The following DLG2 variants were observed in gnomAD, a reference collection of about 807,000 sequenced individuals.
The protein encoded by DLG2 is disks large homolog 2.
Under a neutral mutation model 132.5 loss-of-function variants are expected in DLG2, and 45 were observed. The ratio of observed to expected loss-of-function variants is 0.34; its 90% CI spans 0.27 to 0.44. The LOEUF (loss-of-function observed/expected upper bound fraction) is 0.44, where lower values mean the gene tolerates loss of function less well. Ranked by LOEUF, DLG2 falls within the 20% of genes least tolerant of loss-of-function variation. DLG2 has a pLI of 1.00. For missense variants in DLG2, 1,045 were observed against 1,196.9 expected, an observed-to-expected ratio of 0.87 and a Z score of 1.87; for synonymous variants, 424 against 419.6, an observed-to-expected ratio of 1.01 and a Z score of -0.13.
chr11:83,582,153 T>C (rs971906482), intron 19 of DLG2, among the ~76,000 whole-genome samples: 4 of 151,738 alleles, frequency 2.6e-5, no homozygotes, highest in South Asian at 4.2e-4. Flanking sequence ...GCGGGGTTTC[T>C]CCATGTTGGC....
chr11:83,496,291 G>C (rs554618345), intron 21 of DLG2, among the ~76,000 whole-genome samples: 8 of 151,748 alleles, frequency 5.3e-5, no homozygotes, highest in Non-Finnish European at 1.0e-4. Flanking sequence ...CACCAGAGTA[G>C]CTAAAATTAA....
intron 6 of DLG2, among the ~76,000 whole-genome samples, chr11:84,909,116 G>C (rs2091833458): frequency 6.6e-6 from 1 of 152,014 alleles, no homozygotes; most frequent in Non-Finnish European, 1.5e-5. Flanking sequence ...TTGAAACCCT[G>C]CATCGATGCA....
At chr11:84,826,846 C>G (rs1234518884) in intron 6 of DLG2, among the ~76,000 whole-genome samples, 2 of 151,896 alleles carry the variant, frequency 1.3e-5, no homozygotes, top group East Asian at 3.9e-4. Flanking sequence ...AACAGGAAAT[C>G]TTATTTATTT....
At chr11:83,835,821 A>C (rs1296721442) in intron 16 of DLG2, among the ~76,000 whole-genome samples, 2 of 152,190 alleles carry the variant, frequency 1.3e-5, no homozygotes, top group Non-Finnish European at 2.9e-5. Flanking sequence ...AAATGTATTT[A>C]GGTTCCTGGC....
chr11:85,109,515 G>A (rs189023750), intron 6 of DLG2, among the ~76,000 whole-genome samples: 1 of 152,134 alleles, frequency 6.6e-6, no homozygotes, highest in Admixed American at 6.5e-5. Context: ...TCAACTCCAA[G>A]GGAATAATGA....
Position 85,398,870 on chromosome 11 carries a change from C to T in DLG2, c.41-113505G>A, listed in dbSNP as rs532003695. ...GTACAAAGAGGAGCTGCTACCATTG[C>T]TTCTGAAACTATTTCAATCAATAGA... On this transcript the variant is annotated intron_variant, in intron 3 of 27. Transcript: ENST00000376104. 1.3e-3 allele frequency among the ~76,000 whole-genome samples: 199 copies of T among 152,272 alleles called. 1 individual carries two copies. The highest frequency in any genetic ancestry group is 4.4e-3 in the African/African-American group (181 of 41,564).
intron 6 of DLG2, among the ~76,000 whole-genome samples, chr11:85,011,255 T>C (rs757543199): frequency 6.6e-6 from 1 of 152,128 alleles, no homozygotes; most frequent in Non-Finnish European, 1.5e-5. Flanking sequence ...ATTGTGACTA[T>C]TTAGTGCTTT....
chr11:84,223,248 G>A (rs1368977157), intron 8 of DLG2, among the ~76,000 whole-genome samples: 1 of 152,184 alleles, frequency 6.6e-6, no homozygotes, highest in Non-Finnish European at 1.5e-5. Flanking sequence ...GTCAGACCAA[G>A]TAGCATCATG....
chr11:85,036,058 A>T (rs2061411005), intron 6 of DLG2, among the ~76,000 whole-genome samples: 1 of 152,210 alleles, frequency 6.6e-6, no homozygotes, highest in Non-Finnish European at 1.5e-5. Context: ...GTATACCTGA[A>T]GCAAATTACT....
chr11:84,688,645 G>T (rs1279792847), intron 6 of DLG2, among the ~76,000 whole-genome samples: 1 of 152,174 alleles, frequency 6.6e-6, no homozygotes. Flanking sequence ...GTGTCAAGGT[G>T]TATACTATAC....
intron 3 of DLG2, among the ~76,000 whole-genome samples, chr11:85,346,125 G>A (rs1393837783): frequency 2.0e-5 from 3 of 151,956 alleles, no homozygotes; most frequent in African/African-American, 4.8e-5. Flanking sequence ...CCTTAGGTAC[G>A]ATGCTTGTAT....
chr11:85,283,686 C>T (rs576976486), intron 4 of DLG2, among the ~76,000 whole-genome samples: 5 of 151,868 alleles, frequency 3.3e-5, no homozygotes, highest in Admixed American at 1.3e-4. Flanking sequence ...TTAAGTAAAA[C>T]ATCTTATCTA....
intron 6 of DLG2, among the ~76,000 whole-genome samples, chr11:84,656,292 G>A (rs2099688143): frequency 1.3e-5 from 2 of 152,012 alleles, no homozygotes; most frequent in Non-Finnish European, 2.9e-5. Flanking sequence ...TCCAACATCT[G>A]TTCACTTCTC....
intron 6 of DLG2, among the ~76,000 whole-genome samples, chr11:84,861,618 C>CAAAAAAAAAAAAAAAAAAAA (rs1177657034): frequency 2.5e-4 from 9 of 35,828 alleles, no homozygotes; most frequent in South Asian, 1.4e-3. Context: ...TTCTACACAG[C>CAAAAAAAAAAAAAAAAAAAA]AAAAAAAAAA....
intron 11 of DLG2, among the ~76,000 whole-genome samples, chr11:84,009,114 T>C (rs1318847550): frequency 6.6e-6 from 1 of 152,008 alleles, no homozygotes; most frequent in Non-Finnish European, 1.5e-5. Context: ...AGATTTTTGA[T>C]TCCTCTAGCT....
At chr11:83,499,891 A>C (rs184650230) in intron 21 of DLG2, among the ~76,000 whole-genome samples, 16 of 108,234 alleles carry the variant, frequency 1.5e-4, no homozygotes, top group African/African-American at 4.3e-4. Context: ...ATATATATAT[A>C]TATATATCAG....
intron 3 of DLG2, among the ~76,000 whole-genome samples, chr11:85,366,272 C>A (rs1243137547): frequency 2.0e-5 from 3 of 152,098 alleles, no homozygotes; most frequent in African/African-American, 7.2e-5. Context: ...ACACCAGTTT[C>A]ATCACTGCCT....
chr11:84,014,378 T>C (rs2095056401), intron 11 of DLG2, among the ~76,000 whole-genome samples: 1 of 152,176 alleles, frequency 6.6e-6, no homozygotes, highest in Non-Finnish European at 1.5e-5. Flanking sequence ...TCTTTTATTA[T>C]CAGTCAATTT....
At chr11:84,554,617 A>G (rs997904176) in intron 6 of DLG2, among the ~76,000 whole-genome samples, 8 of 152,060 alleles carry the variant, frequency 5.3e-5, no homozygotes, top group Admixed American at 2.6e-4. Context: ...ATGGTGGCGC[A>G]TGCCTGTAAT....
Sources: gnomAD v4.1 joint callset for allele counts (sites outside exome capture counted in the v4.1 genomes callset) on GRCh38, gnomAD v4.1.1 for gene constraint, MANE v1.5 for transcripts, NCBI Gene and HGNC (gene_info 2026-07-23, HGNC 2026-07-21) for gene names.